ANKS1B: variants seen among roughly 807,000 people sequenced by gnomAD.
The protein encoded by ANKS1B is ankyrin repeat and sterile alpha motif domain containing 1B, also known as ankyrin repeat and sterile alpha motif domain-containing protein 1B.
In ANKS1B, 36 loss-of-function variants were observed where a neutral mutation model predicts 148.3. The ratio of observed to expected loss-of-function variants is 0.24; its 90% CI spans 0.19 to 0.32. The LOEUF (loss-of-function observed/expected upper bound fraction) is 0.32. Among genes scored for constraint, ANKS1B ranks in the 10% least tolerant of loss-of-function variants. ANKS1B has a pLI of 1.00. For synonymous variants in ANKS1B, 542 were observed against 560.8 expected (o/e 0.97, Z 0.47); for missense variants, 1,157 against 1,542.6 (o/e 0.75, Z 4.19).
intron 25 of ANKS1B, among the ~76,000 whole-genome samples, chr12:98,772,617 T>C (rs957886433): frequency 6.6e-6 from 1 of 152,126 alleles, no homozygotes; most frequent in Non-Finnish European, 1.5e-5. Context: ...TTACTCACTA[T>C]CATGAGAATA....
At chr12:98,761,304 A>T (rs2098400728) in intron 25 of ANKS1B, among the ~76,000 whole-genome samples, 1 of 152,262 alleles carries the variant, frequency 6.6e-6, no homozygotes, top group South Asian at 2.1e-4. Context: ...AGACATTATT[A>T]CACAGTATCC....
At chr12:99,466,723 C>T (rs1182546659) in intron 10 of ANKS1B, among the ~76,000 whole-genome samples, 1 of 152,014 alleles carries the variant, frequency 6.6e-6, no homozygotes, top group Non-Finnish European at 1.5e-5. Flanking sequence ...CATACACCCT[C>T]CCAAGACTAA....
chr12:99,021,690 G>A (rs776539705), intron 17 of ANKS1B, among the ~76,000 whole-genome samples: 7 of 152,166 alleles, frequency 4.6e-5, no homozygotes, highest in Non-Finnish European at 7.3e-5. Context: ...GTGGACTAGT[G>A]GAGCATAAAG....
At chr12:99,504,749 T>G in intron 9 of ANKS1B, 108 bp from the exon 10 acceptor site, 6 of 750,242 alleles carry the variant, frequency 8.0e-6, no homozygotes, top group Non-Finnish European at 1.0e-5. Flanking sequence ...CCAAAGTGAT[T>G]GACAGCTGAT....
At chr12:98,736,469 G>A (rs888319171) in intron 9 of ANKS1B, among the ~76,000 whole-genome samples, 4 of 152,292 alleles carry the variant, frequency 2.6e-5, no homozygotes, top group South Asian at 2.1e-4. Flanking sequence ...GCAGCTTTGC[G>A]GACGCGGTAA....
At chr12:99,503,422 G>A (rs539690928) in intron 10 of ANKS1B, among the ~76,000 whole-genome samples, 4 of 152,216 alleles carry the variant, frequency 2.6e-5, no homozygotes, top group African/African-American at 4.8e-5. Context: ...GGGGAAGCAA[G>A]GTCTGTGTTT....
chr12:99,857,292 A>C (rs990599322), intron 1 of ANKS1B, among the ~76,000 whole-genome samples: 2 of 151,652 alleles, frequency 1.3e-5, no homozygotes, highest in African/African-American at 4.9e-5. Context: ...AATAGCTGCA[A>C]AAAAAATAAA....
chr12:99,931,337 A>C (rs2094609382), intron 1 of ANKS1B, among the ~76,000 whole-genome samples: 2 of 152,104 alleles, frequency 1.3e-5, no homozygotes, highest in Non-Finnish European at 1.5e-5. Flanking sequence ...AACTTAAAGT[A>C]TAATAATAAT....
intron 12 of ANKS1B, among the ~76,000 whole-genome samples, chr12:99,292,274 C>T (rs557588758): frequency 2.6e-5 from 4 of 151,658 alleles, no homozygotes; most frequent in East Asian, 3.9e-4. Flanking sequence ...GGGCAGATCA[C>T]GAGGTCAAGA....
At chr12:99,172,267 T>C (rs1261930684) in intron 14 of ANKS1B, among the ~76,000 whole-genome samples, 1 of 150,582 alleles carries the variant, frequency 6.6e-6, no homozygotes, top group East Asian at 1.9e-4. Context: ...TCAAGGGACT[T>C]GTGTGCCATG....
At chr12:99,024,951 G>A (rs777997218) in intron 17 of ANKS1B, among the ~76,000 whole-genome samples, 2 of 152,032 alleles carry the variant, frequency 1.3e-5, no homozygotes, top group East Asian at 1.9e-4. Flanking sequence ...CCTCCCTCAC[G>A]CTTCCTGTCC....
chr12:99,204,885 C>T (rs2082463674), intron 14 of ANKS1B, among the ~76,000 whole-genome samples: 2 of 152,110 alleles, frequency 1.3e-5, no homozygotes, highest in East Asian at 3.8e-4. Context: ...TTCTTGAGGG[C>T]AGTAAAGTTG....
chr12:99,174,983 C>A (rs1464562080), intron 14 of ANKS1B, among the ~76,000 whole-genome samples: 2 of 152,140 alleles, frequency 1.3e-5, no homozygotes, highest in Non-Finnish European at 2.9e-5. Flanking sequence ...GAATTCTCTA[C>A]TTCAGTACCT....
In ANKS1B at chr12:99,495,342, A is replaced by AGTGTGTGTGTGTGTGT. The variant is rs56107230; in HGVS notation, c.1438+9118_1438+9133dup. Among the ~76,000 whole-genome samples the AGTGTGTGTGTGTGTGT allele has an allele frequency of 1.5e-3, 225 of 145,388 alleles. 2 individuals carry two copies. The highest frequency in any genetic ancestry group is 5.4e-3 in the African/African-American group (210 of 39,230). On this transcript the variant is annotated intron_variant, in intron 10 of 26. Coordinates refer to ENST00000683438, the MANE Select transcript of ANKS1B (RefSeq NM_001352186.2). ...ACAAAATTGATTTCAGGGGAGAAAA[A>AGTGTGTGTGTGTGTGT]GTGTGTGTGTGTGTGTGTGTGTGTG...
chr12:99,174,688 G>C (rs2078168697), intron 14 of ANKS1B, among the ~76,000 whole-genome samples: 1 of 152,060 alleles, frequency 6.6e-6, no homozygotes, highest in Admixed American at 6.6e-5. Flanking sequence ...AAAGAGGCTG[G>C]TTCCTAATAA....
At chr12:99,023,407 C>A (rs1289826388) in intron 17 of ANKS1B, among the ~76,000 whole-genome samples, 1 of 152,052 alleles carries the variant, frequency 6.6e-6, no homozygotes, top group Non-Finnish European at 1.5e-5. Context: ...GGTATAAATC[C>A]TTTGAAGACA....
chr12:99,002,141 T>C (rs1351948041), intron 17 of ANKS1B, among the ~76,000 whole-genome samples: 3 of 152,236 alleles, frequency 2.0e-5, no homozygotes, highest in Non-Finnish European at 4.4e-5. Flanking sequence ...AAGATACTTA[T>C]TTACTTTCCT....
At chr12:99,250,820 G>A (rs1262248553) in intron 12 of ANKS1B, among the ~76,000 whole-genome samples, 1 of 152,230 alleles carries the variant, frequency 6.6e-6, no homozygotes, top group Non-Finnish European at 1.5e-5. Context: ...GTGCTGTGAA[G>A]ATTGAATGAA....
At chr12:99,767,250 T>C (rs1264149158) in intron 8 of ANKS1B, among the ~76,000 whole-genome samples, 1 of 152,056 alleles carries the variant, frequency 6.6e-6, no homozygotes, top group Non-Finnish European at 1.5e-5. Context: ...TGAACAAAAT[T>C]GCACAAAACC....
Sources: gnomAD v4.1 joint callset for allele counts (sites outside exome capture counted in the v4.1 genomes callset) on GRCh38, gnomAD v4.1.1 for gene constraint, MANE v1.5 for transcripts, NCBI Gene and HGNC (gene_info 2026-07-23, HGNC 2026-07-21) for gene names.